GDPD4: variants seen among roughly 807,000 people sequenced by gnomAD.
GDPD4 encodes the protein glycerophosphodiester phosphodiesterase 6.
Under a neutral mutation model 67.8 loss-of-function variants are expected in GDPD4, and 60 were observed. The ratio of observed to expected loss-of-function variants is 0.88; its 90% CI spans 0.72 to 1.10. GDPD4 has a LOEUF of 1.10. GDPD4 is among the 50% of genes least tolerant of loss of function. The pLI, the probability that GDPD4 is intolerant of heterozygous loss-of-function variation, is 0.00. For missense variants in GDPD4, 623 were observed against 613.9 expected (o/e 1.01, Z -0.16); for synonymous variants, 212 against 210.9 (o/e 1.00, Z -0.04).
At chr11:77,229,303 C>T (rs1958409271) in intron 14 of GDPD4, 71 bp from the exon 15 acceptor site, 1 of 871,438 alleles carries the variant, frequency 1.1e-6, no homozygotes, top group East Asian at 2.6e-5. Flanking sequence ...GTCTAAGTCC[C>T]TTGCTCTGCT....
chr11:77,220,871 C>T (rs1958211693), intron 16 of GDPD4, among the ~76,000 whole-genome samples: 1 of 152,162 alleles, frequency 6.6e-6, no homozygotes, highest in Admixed American at 6.5e-5. Flanking sequence ...TAATTATTGC[C>T]TCAATTTCAG....
intron 16 of GDPD4, among the ~76,000 whole-genome samples, chr11:77,222,947 C>T (rs1958256562): frequency 6.6e-6 from 1 of 151,946 alleles, no homozygotes; most frequent in South Asian, 2.1e-4. Flanking sequence ...CTCTACTTCT[C>T]TTCTCACTTC....
chr11:77,294,300 T>C (rs1937878265), intron 1 of GDPD4, among the ~76,000 whole-genome samples: 1 of 152,228 alleles, frequency 6.6e-6, no homozygotes, highest in Non-Finnish European at 1.5e-5. Flanking sequence ...TGTACTATCT[T>C]TGTAACTTTT....
At position 77,252,060 on chromosome 11, in the gene GDPD4, T is replaced by G. The variant is rs7482586; in HGVS notation, c.864+6326A>C. Among the ~76,000 whole-genome samples the G allele has an allele frequency of 8.1e-3, 437 of 53,822 alleles. 3 individuals are homozygous for G. Among genetic ancestry groups the G allele is most frequent in the Middle Eastern group, 0.026 (2 of 76 alleles). 35.3% of individuals were successfully genotyped at this position (53,822 alleles called of 152,430 possible). The stretch of plus-strand genomic sequence containing the variant: ...TGGGTTTTTTTGTTTGTTTGTTTTT[T>G]TTTTGTTTTTTTTTTTTTTTTGAGA... On this transcript the variant is annotated intron_variant, in intron 11 of 16. Coordinates refer to ENST00000315938, the MANE Select transcript of GDPD4 (RefSeq NM_182833.3).
At position 77,217,188 on chromosome 11, in the gene GDPD4, T is replaced by C. The variant is rs747880119; in HGVS notation, c.*89A>G. The C allele has an allele frequency of 1.0e-6, 1 of 982,344 alleles. No individual in the cohort carries two copies. Among genetic ancestry groups the C allele is most frequent in the South Asian group, 1.3e-5 (1 of 78,368 alleles). The allele number at this position is 982,344 out of a possible 1,614,324, so 60.9% of individuals were successfully genotyped here. A position where few individuals can be genotyped will look rare whatever the true frequency, so the allele number is the denominator to read the frequency against. Reference sequence around the variant, plus strand: ...TGGCCTTGGTGTTCCTTTCCACTCTTGGGTAGAGCCGGGTAGAGGGCTGCT... The same window carrying C: ...TGGCCTTGGTGTTCCTTTCCACTCTCGGGTAGAGCCGGGTAGAGGGCTGCT... On this transcript the variant is annotated 3_prime_UTR_variant, in exon 17 of 17. Coordinates refer to ENST00000315938, the MANE Select transcript of GDPD4 (RefSeq NM_182833.3).
chr11:77,295,835 A>T (rs118022137), intron 1 of GDPD4, among the ~76,000 whole-genome samples: 2,799 of 152,320 alleles, frequency 0.018, 37 homozygotes, highest in Middle Eastern at 0.037. Context: ...GGCAGGCCAC[A>T]GATTGGGAGA....
chr11:77,249,387 C>T (rs1412828560), intron 11 of GDPD4, among the ~76,000 whole-genome samples: 1 of 151,984 alleles, frequency 6.6e-6, no homozygotes, highest in Non-Finnish European at 1.5e-5. Context: ...CAAATTACAG[C>T]TCATATGAAC....
intron 3 of GDPD4, among the ~76,000 whole-genome samples, chr11:77,281,320 G>A (rs1959743349): frequency 1.3e-5 from 2 of 152,044 alleles, no homozygotes; most frequent in Admixed American, 1.3e-4. Context: ...CCAACTGTCA[G>A]CTGACAGTAA....
Position 77,216,643 on chromosome 11 carries a change from C to G in GDPD4, c.*634G>C. Reference sequence around the variant, plus strand: ...AGGTGTTAGGATGAGATAAACCTGACAGCAACCAGTTCCAAGACCACACAC... The same window carrying G: ...AGGTGTTAGGATGAGATAAACCTGAGAGCAACCAGTTCCAAGACCACACAC... On this transcript the variant is annotated 3_prime_UTR_variant, in exon 17 of 17. Coordinates refer to ENST00000315938, the MANE Select transcript of GDPD4 (RefSeq NM_182833.3). The G allele has an allele frequency of 2.2e-6, 1 of 444,922 alleles. No individual in the cohort carries two copies. Among genetic ancestry groups the G allele is most frequent in the Non-Finnish European group, 4.0e-6 (1 of 247,078 alleles). The allele number at this position is 444,922 out of a possible 1,614,324, so 27.6% of individuals were successfully genotyped here. A position where few individuals can be genotyped will look rare whatever the true frequency, so the allele number is the denominator to read the frequency against.
intron 7 of GDPD4, among the ~76,000 whole-genome samples, chr11:77,270,761 T>C (rs1172474537): frequency 6.6e-6 from 1 of 152,132 alleles, no homozygotes; most frequent in African/African-American, 2.4e-5. Context: ...TATTTGAATA[T>C]AAATGGAAAG....
chr11:77,293,643 A>G (rs993355460), intron 1 of GDPD4, among the ~76,000 whole-genome samples: 1 of 152,072 alleles, frequency 6.6e-6, no homozygotes, highest in African/African-American at 2.4e-5. Flanking sequence ...CTAAAACTAT[A>G]TGGCCATCTA....
intron 5 of GDPD4, 119 bp downstream of exon 5, chr11:77,276,042 G>A: frequency 2.9e-6 from 2 of 696,238 alleles, no homozygotes; most frequent in Non-Finnish European, 5.2e-6. Flanking sequence ...TCTCTCCAAG[G>A]AGAACAGTAA....
At chr11:77,221,961 T>A (rs1958234778) in intron 16 of GDPD4, among the ~76,000 whole-genome samples, 1 of 152,190 alleles carries the variant, frequency 6.6e-6, no homozygotes, top group South Asian at 2.1e-4. Context: ...TCTTGTTGAA[T>A]TGATCCCTTT....
chr11:77,234,448 A>C (rs1478033382), intron 13 of GDPD4, among the ~76,000 whole-genome samples: 1 of 152,142 alleles, frequency 6.6e-6, no homozygotes. Flanking sequence ...TGCTACCCAA[A>C]TAGTGAACAT....
intron 10 of GDPD4, among the ~76,000 whole-genome samples, chr11:77,266,266 G>T (rs959030128): frequency 2.0e-5 from 3 of 152,016 alleles, no homozygotes; most frequent in Non-Finnish European, 4.4e-5. Flanking sequence ...TATGACAGTG[G>T]CCCCATAAGA....
At chr11:77,227,106 T>C (rs1288158129) in intron 16 of GDPD4, among the ~76,000 whole-genome samples, 1 of 152,206 alleles carries the variant, frequency 6.6e-6, no homozygotes, top group Non-Finnish European at 1.5e-5. Context: ...TGGTTTCCCT[T>C]TGACACTGCA....
intron 1 of GDPD4, among the ~76,000 whole-genome samples, chr11:77,290,574 T>TA (rs1362202997): frequency 3.3e-5 from 5 of 152,116 alleles, no homozygotes; most frequent in Admixed American, 6.5e-5. Flanking sequence ...CAAATGAAAT[T>TA]AAAAAACACA....
At chr11:77,223,709 G>A (rs1429767166) in intron 16 of GDPD4, among the ~76,000 whole-genome samples, 2 of 152,066 alleles carry the variant, frequency 1.3e-5, no homozygotes, top group African/African-American at 2.4e-5. Context: ...TGTGCTGAGA[G>A]AACCACTACT....
chr11:77,225,140 A>G (rs1388074519), intron 16 of GDPD4, among the ~76,000 whole-genome samples: 1 of 152,040 alleles, frequency 6.6e-6, no homozygotes, highest in Non-Finnish European at 1.5e-5. Flanking sequence ...AAACACAGCA[A>G]TAGAATCTAT....
Sources: gnomAD v4.1 joint callset for allele counts (sites outside exome capture counted in the v4.1 genomes callset) on GRCh38, gnomAD v4.1.1 for gene constraint, MANE v1.5 for transcripts, NCBI Gene and HGNC (gene_info 2026-07-23, HGNC 2026-07-21) for gene names.